The following NTRK1 variants were observed in gnomAD, a reference collection of about 807,000 sequenced individuals.
NTRK1 encodes neurotrophic receptor tyrosine kinase 1.
Under a neutral mutation model 86.8 loss-of-function variants are expected in NTRK1, and 62 were observed. That is an observed-to-expected ratio of 0.71 (90% confidence interval 0.58 to 0.88). The LOEUF is 0.88. Among genes scored for constraint, NTRK1 ranks in the 40% least tolerant of loss-of-function variants. NTRK1 has a pLI of 0.00. For missense variants in NTRK1, 967 were observed against 1,078.4 expected (o/e 0.90, Z 1.45); for synonymous variants, 469 against 456.6 (o/e 1.03, Z -0.35).
At position 156,876,109 on chromosome 1, in the gene NTRK1, G is replaced by A. The variant is rs769486223; in HGVS notation, c.1531G>A (p.Val511Met). Reference sequence around the variant, plus strand: ...TCACCACATCAAGCGCCGGGACATCGTGCTCAAGTGGGAGCTGGGGGAGGG... The same window carrying A: ...TCACCACATCAAGCGCCGGGACATCATGCTCAAGTGGGAGCTGGGGGAGGG... ...CVHHIKRRDI[V>M]LKWELGEGAF... Residue 511 changes from valine to methionine, a missense_variant, in exon 13 of 17, where the codon GTG becomes ATG. By Grantham distance (21) the Val-to-Met change is conservative. Around this residue, in one of 2 missense-constraint regions of NTRK1, gnomAD observed 637 missense variants for 776.5 expected, o/e 0.82. Coordinates refer to ENST00000524377, the MANE Select transcript of NTRK1 (RefSeq NM_002529.4). 1.7e-5 allele frequency: 27 copies of A among 1,614,056 alleles called. No individual in the cohort carries two copies. The highest frequency in any genetic ancestry group is 3.3e-5 in the South Asian group (3 of 91,086).
At chr1:156,846,088 C>A (rs761108622) in intron 2 of NTRK1, 3 of 1,608,668 alleles carry the variant, frequency 1.9e-6, no homozygotes, top group Non-Finnish European at 2.5e-6. Context: ...AGGAGTTGGA[C>A]GTGGAGATGA....
chr1:156,828,748 G>A (rs1215434553), intron 1 of NTRK1, among the ~76,000 whole-genome samples: 1 of 152,224 alleles, frequency 6.6e-6, no homozygotes, highest in East Asian at 1.9e-4. Context: ...CACCAGAAAG[G>A]CTGTGTGGCT....
At chr1:156,817,514 A>G (rs994027714) in intron 1 of NTRK1, among the ~76,000 whole-genome samples, 3 of 152,044 alleles carry the variant, frequency 2.0e-5, no homozygotes, top group Admixed American at 2.0e-4. Flanking sequence ...CATTCAGCAG[A>G]TAATGGAGCT....
upstream of NTRK1, chr1:156,860,738 A>AG (rs1458460419): frequency 9.7e-7 from 1 of 1,032,766 alleles, no homozygotes; most frequent in African/African-American, 1.8e-5. Context: ...GGGAGGGGGC[A>AG]GAGGGGGGGG....
intron 1 of NTRK1, among the ~76,000 whole-genome samples, chr1:156,833,025 C>T (rs1324442989): frequency 6.6e-6 from 1 of 152,226 alleles, no homozygotes; most frequent in African/African-American, 2.4e-5. Context: ...CAGACACCAT[C>T]CTGCTCATAA....
rs1235371618 is a variant in NTRK1 at position 156,873,905 on chromosome 1, A to G, written c.1123A>G (p.Met375Val). The G allele has an allele frequency of 1.9e-6, 3 of 1,571,342 alleles. No individual in the cohort carries two copies. Among genetic ancestry groups the G allele is most frequent in the South Asian group, 1.2e-5 (1 of 86,040 alleles). ...CTTCGGCCAGGCCTCCGCCTCCATC[A>G]TGGCTGCCTTCATGGACAACCCTTT... ...NPFGQASASI[M>V]AAFMDNPFEF... The change falls in exon 8 of 17, where the codon ATG (methionine) becomes GTG (valine). Residue 375 changes from methionine (M) to valine (V), a missense_variant. By Grantham distance (21) the Met-to-Val change is conservative (BLOSUM62 1). Around this residue, in one of 2 missense-constraint regions of NTRK1, gnomAD observed 637 missense variants for 776.5 expected, o/e 0.82. Coordinates refer to ENST00000524377, the MANE Select transcript of NTRK1 (RefSeq NM_002529.4).
Position 156,846,592 on chromosome 1 carries a change from C to T in NTRK1, c.50+4399C>T, listed in dbSNP as rs777041988. 85 of 1,614,016 alleles carry T rather than the reference C, an allele frequency of 5.3e-5. 1 individual carries two copies. The South Asian group carries it at 8.6e-4, about 16-fold the overall frequency. Reference sequence around the variant, plus strand: ...GAGGGCTGTCCTCCTCAGTGGTTAGCGTGATGGCCCGCACAAACACTGCGT... The same window carrying T: ...GAGGGCTGTCCTCCTCAGTGGTTAGTGTGATGGCCCGCACAAACACTGCGT... On this transcript the variant is annotated intron_variant, in intron 2 of 16. Coordinates refer to the NTRK1 transcript ENST00000392302.
At position 156,854,150 on chromosome 1, in the gene NTRK1, G is replaced by A. The variant is rs761243065; in HGVS notation, c.51-10204G>A. ...GACACGGAAGAGCAGCAGGTAGTCGGTGACCTGGGTGAGGCGAGGGAAGCT... is the reference window on the plus strand; with the variant it reads ...GACACGGAAGAGCAGCAGGTAGTCGATGACCTGGGTGAGGCGAGGGAAGCT... On this transcript the variant is annotated intron_variant, in intron 2 of 16. Coordinates refer to the NTRK1 transcript ENST00000392302. The surrounding 1 kb of genome is among the most constrained non-coding windows in gnomAD (Gnocchi z 4.2). 6.2e-7 allele frequency: 1 copy of A among 1,614,170 alleles called. No individual in the cohort carries two copies. Among genetic ancestry groups the A allele is most frequent in the Non-Finnish European group, 8.5e-7 (1 of 1,180,042 alleles).
intron 5 of NTRK1, 35 bp downstream of exon 5, chr1:156,868,284 C>G (rs528610279): frequency 1.2e-6 from 2 of 1,601,150 alleles, no homozygotes; most frequent in East Asian, 2.2e-5. Flanking sequence ...TGTAAGGGGG[C>G]TGGGGAAGAG....
chr1:156,874,816 TC>T, intron 10 of NTRK1, 89 bp from the exon 11 acceptor site: 1 of 1,211,582 alleles, frequency 8.3e-7, no homozygotes, highest in Non-Finnish European at 1.2e-6. Context: ...GGCTCCGGGC[TC>T]CCATGCAGGA....
rs1322273300 is a variant in NTRK1, at chr1:156,842,103, C to T, written c.-41C>T. 2.5e-6 allele frequency: 4 copies of T among 1,613,868 alleles called. No individual in the cohort carries two copies. The highest frequency in any genetic ancestry group is 1.1e-5 in the South Asian group (1 of 90,994). Reference sequence around the variant, plus strand: ...CAGGCCGCCCTCATCTGCCTGGCACCCTCTGTACCCCCGATCTTGACGGTG... The same window carrying T: ...CAGGCCGCCCTCATCTGCCTGGCACTCTCTGTACCCCCGATCTTGACGGTG... On this transcript the variant is annotated 5_prime_UTR_variant, in exon 2 of 17. Coordinates refer to the NTRK1 transcript ENST00000392302.
chr1:156,843,348 A>T, intron 2 of NTRK1: 1 of 1,575,982 alleles, frequency 6.3e-7, no homozygotes, highest in Non-Finnish European at 8.7e-7. Flanking sequence ...CTTCTGCAAG[A>T]AGGTCTTCTG....
chr1:156,858,446 G>A, upstream of NTRK1: 2 of 904,166 alleles, frequency 2.2e-6, no homozygotes, highest in Non-Finnish European at 3.7e-6. Flanking sequence ...TGCAGAGTAA[G>A]TGGAGGTGCT....
chr1:156,880,297 T>C, intron 16 of NTRK1, 140 bp downstream of exon 16: 1 of 837,002 alleles, frequency 1.2e-6, no homozygotes, highest in Non-Finnish European at 1.9e-6. Context: ...GTGCCCACAC[T>C]GTGTCCCCTC....
At chr1:156,859,744 G>T (rs991711879), upstream of NTRK1, among the ~76,000 whole-genome samples, 1 of 152,148 alleles carries the variant, frequency 6.6e-6, no homozygotes, top group African/African-American at 2.4e-5. The surrounding 1 kb of genome is among the most constrained non-coding windows in gnomAD (Gnocchi z 6.2). Flanking sequence ...GGGGCCATCC[G>T]TGCTGGGGCC....
At position 156,878,664 on chromosome 1, in the gene NTRK1, C is replaced by T. The variant is rs1196557056; in HGVS notation, c.1806-458C>T. Among the ~76,000 whole-genome samples the T allele has an allele frequency of 4.6e-5, 7 of 152,222 alleles. No individual in the cohort carries two copies. In the South Asian group the frequency reaches 1.5e-3, roughly 32 times the overall value. ...ACACCTTCGAAAGGAAGGAAGACCC[C>T]GTAGGAATGGCTGGACACTGAGGGC... On this transcript the variant is annotated intron_variant, in intron 14 of 16. Transcript: ENST00000524377.
chr1:156,872,044 T>C (rs1647591485), intron 7 of NTRK1, among the ~76,000 whole-genome samples: 1 of 152,134 alleles, frequency 6.6e-6, no homozygotes, highest in Non-Finnish European at 1.5e-5. Context: ...CCGAAGTATT[T>C]TTTCATGCCC....
intron 2 of NTRK1, among the ~76,000 whole-genome samples, chr1:156,855,483 G>A (rs1321908509): frequency 6.6e-6 from 1 of 152,068 alleles, no homozygotes; most frequent in Non-Finnish European, 1.5e-5. Flanking sequence ...GGGATTACAG[G>A]CGTGAACCAC....
Position 156,870,831 on chromosome 1 carries a change from T to C in NTRK1, c.718-792T>C, listed in dbSNP as rs116124451. On this transcript the variant is annotated intron_variant, in intron 6 of 16. Transcript: ENST00000524377. ...ACCCACAGTTCAGCAAGATGAAGAA[T>C]TGTCGTAAGATCATGTAACTTACAC... is the stretch of plus-strand genomic sequence containing the variant. Among the ~76,000 whole-genome samples the C allele has an allele frequency of 3.6e-3, 551 of 152,336 alleles. 2 individuals carry two copies. The highest frequency in any genetic ancestry group is 0.012 in the African/African-American group (511 of 41,570).
Sources: allele counts gnomAD v4.1 joint callset (sites outside exome capture counted in the v4.1 genomes callset), GRCh38; gene constraint gnomAD v4.1.1; regional missense constraint gnomAD v4.1.1; non-coding constraint Gnocchi (gnomAD v3.1); transcripts MANE v1.5; gene names NCBI Gene and HGNC (gene_info 2026-07-23, HGNC 2026-07-21).